SLC35A1: variants seen among roughly 807,000 people sequenced by gnomAD.
SLC35A1 encodes the protein CMP-sialic acid transporter.
SLC35A1 carries 21 observed loss-of-function variants against 40.3 expected under a neutral mutation model. That is an observed-to-expected ratio of 0.52 (90% CI 0.37 to 0.75). SLC35A1 has a LOEUF of 0.75. Among genes scored for constraint, SLC35A1 ranks in the 30% least tolerant of loss-of-function variants. SLC35A1 has a pLI of 0.00. For missense variants in SLC35A1, 297 were observed against 382.1 expected, an observed-to-expected ratio of 0.78 and a Z score of 1.86; for synonymous variants, 146 against 147.3, an observed-to-expected ratio of 0.99 and a Z score of 0.06.
chr6:87,502,301 A>T (rs1322666794), intron 4 of SLC35A1, among the ~76,000 whole-genome samples: 1 of 152,212 alleles, frequency 6.6e-6, no homozygotes, highest in African/African-American at 2.4e-5. Context: ...TCTAAGTAAT[A>T]CGAGGCACAG....
chr6:87,511,636 T>C lies in SLC35A1; in HGVS notation c.*110T>C. 8.4e-7 allele frequency: 1 copy of C among 1,185,084 alleles called. No individual in the cohort carries two copies. Among genetic ancestry groups the C allele is most frequent in the South Asian group, 1.2e-5 (1 of 81,648 alleles). The allele number at this position is 1,185,084 out of a possible 1,614,324, so 73.4% of individuals were successfully genotyped here. A position where few individuals can be genotyped will look rare whatever the true frequency, so the allele number is the denominator to read the frequency against. ...ACAAATAAAAATTAACTGTATGGCATGATCAGTGCGGTTATGTGGAAACAA... is the reference window on the plus strand; with the variant it reads ...ACAAATAAAAATTAACTGTATGGCACGATCAGTGCGGTTATGTGGAAACAA... On this transcript the variant is annotated 3_prime_UTR_variant, in exon 8 of 8. Coordinates refer to ENST00000369552, the MANE Select transcript of SLC35A1 (RefSeq NM_006416.5).
At chr6:87,490,829 T>C (rs1481850204) in intron 2 of SLC35A1, among the ~76,000 whole-genome samples, 1 of 152,242 alleles carries the variant, frequency 6.6e-6, no homozygotes, top group Admixed American at 6.5e-5. Context: ...CATGAGTAGA[T>C]GTCTTCTTTA....
Position 87,508,542 on chromosome 6 carries a change from A to G in SLC35A1, c.697A>G (p.Ile233Val), listed in dbSNP as rs1420003515. Residue 233 changes from isoleucine (I) to valine (V), a missense_variant, in exon 6 of 8, where the codon ATT (isoleucine) becomes GTT (valine). By Grantham distance (29) the Ile-to-Val change is conservative. Coordinates refer to ENST00000369552, the MANE Select transcript of SLC35A1 (RefSeq NM_006416.5). ...CGTCTACTTGTCAGATGGAGCTGAA[A>G]TTAAAGAAAAAGGATTTTTCTATGG... Reference protein sequence around the residue: ...AGVYLSDGAEIKEKGFFYGYT... With the variant: ...AGVYLSDGAEVKEKGFFYGYT... The G allele has an allele frequency of 1.2e-6, 2 of 1,613,368 alleles. No individual in the cohort carries two copies. Among genetic ancestry groups the G allele is most frequent in the Non-Finnish European group, 1.7e-6 (2 of 1,179,654 alleles).
chr6:87,488,218 A>AT (rs1769443407), intron 2 of SLC35A1: 1 of 152,156 alleles, frequency 6.6e-6, no homozygotes, highest in South Asian at 2.1e-4. Context: ...GGGAGTTCTT[A>AT]TCACATAAAA....
At chr6:87,495,720 A>T (rs1769706576) in intron 2 of SLC35A1, among the ~76,000 whole-genome samples, 1 of 150,018 alleles carries the variant, frequency 6.7e-6, no homozygotes, top group South Asian at 2.1e-4. Flanking sequence ...CAGTGGTGCG[A>T]TCTTGGCTCA....
chr6:87,501,563 CT>C (rs1769924754), intron 4 of SLC35A1, among the ~76,000 whole-genome samples: 1 of 152,190 alleles, frequency 6.6e-6, no homozygotes, highest in South Asian at 2.1e-4. Flanking sequence ...GTTCCATCCC[CT>C]CCATTTTATG....
chr6:87,494,847 A>G (rs1402731295), intron 2 of SLC35A1, among the ~76,000 whole-genome samples: 1 of 152,248 alleles, frequency 6.6e-6, no homozygotes, highest in Non-Finnish European at 1.5e-5. Flanking sequence ...GAAAATTGTT[A>G]TAATGCTTTA....
chr6:87,480,401 C>T (rs1769211588), intron 2 of SLC35A1, among the ~76,000 whole-genome samples: 1 of 152,230 alleles, frequency 6.6e-6, no homozygotes, highest in Non-Finnish European at 1.5e-5. Flanking sequence ...GCCTACCGTG[C>T]ACACAAGTGT....
chr6:87,485,874 T>C (rs1454346049), intron 2 of SLC35A1, among the ~76,000 whole-genome samples: 1 of 152,182 alleles, frequency 6.6e-6, no homozygotes, highest in Non-Finnish European at 1.5e-5. Context: ...TAACATTTGC[T>C]CAATGTTGAT....
chr6:87,498,875 A>G (rs963333244), intron 2 of SLC35A1, among the ~76,000 whole-genome samples: 3 of 152,262 alleles, frequency 2.0e-5, no homozygotes, highest in Non-Finnish European at 4.4e-5. Flanking sequence ...TAAAGAGCCA[A>G]TCTTCAGAAG....
chr6:87,507,132 T>C (rs754189161), intron 5 of SLC35A1: 1 of 152,342 alleles, frequency 6.6e-6, no homozygotes, highest in Non-Finnish European at 1.5e-5. Context: ...TTTTAATATA[T>C]TCTGCTTAAA....
chr6:87,473,991 T>A (rs1005949468), intron 1 of SLC35A1, among the ~76,000 whole-genome samples: 1 of 152,288 alleles, frequency 6.6e-6, no homozygotes, highest in Non-Finnish European at 1.5e-5. Flanking sequence ...TGTCTTTAGT[T>A]GCATATGCTT....
chr6:87,505,937 A>G (rs1202418453), intron 4 of SLC35A1, among the ~76,000 whole-genome samples: 1 of 152,234 alleles, frequency 6.6e-6, no homozygotes, highest in African/African-American at 2.4e-5. Context: ...AAAATTCAAT[A>G]AATTGGGGAG....
chr6:87,495,149 G>C (rs1286498937), intron 2 of SLC35A1, among the ~76,000 whole-genome samples: 2 of 152,038 alleles, frequency 1.3e-5, no homozygotes, highest in Non-Finnish European at 2.9e-5. Flanking sequence ...TTGTAGACAT[G>C]GGGTTTCGCC....
Position 87,509,084 on chromosome 6 carries a change from G to GTACACAGAC in SLC35A1, c.796_804dup (p.Tyr266_Asp268dup). ...GCCTCTACACTTCTGTTGTGGTTAA[G>GTACACAGAC]TACACAGACAACATCATGAAAGGCT... On this transcript the variant is annotated inframe_insertion, in exon 7 of 8. Transcript: ENST00000369552. 6.2e-7 allele frequency: 1 copy of GTACACAGAC among 1,614,050 alleles called. No homozygotes were observed. Among genetic ancestry groups the GTACACAGAC allele is most frequent in the Non-Finnish European group, 8.5e-7 (1 of 1,179,922 alleles).
chr6:87,489,380 G>A (rs1202010351), intron 2 of SLC35A1, among the ~76,000 whole-genome samples: 5 of 151,938 alleles, frequency 3.3e-5, no homozygotes, highest in Non-Finnish European at 7.4e-5. Context: ...ATTATTTCTC[G>A]GGAGTGGGTT....
chr6:87,504,449 GAT>G (rs1770018731), intron 4 of SLC35A1, among the ~76,000 whole-genome samples: 1 of 152,156 alleles, frequency 6.6e-6, no homozygotes, highest in South Asian at 2.1e-4. Context: ...CCCTTATTTA[GAT>G]ATGTTGATTT....
At position 87,472,996 on chromosome 6, in the gene SLC35A1, G is replaced by T. The variant is rs1261449235; in HGVS notation, c.-8G>T. 5.9e-6 allele frequency: 4 copies of T among 679,114 alleles called. No individual in the cohort carries two copies. In the South Asian group the frequency reaches 8.0e-5, roughly 14 times the overall value. 42.1% of individuals were successfully genotyped at this position (679,114 alleles called of 1,614,324 possible). ...GGCGTCAGTTCCGCGGGGGGCTGTCGGGGAACCATGGCTGCCCCGAGAGGT... is the reference window on the plus strand; with the variant it reads ...GGCGTCAGTTCCGCGGGGGGCTGTCTGGGAACCATGGCTGCCCCGAGAGGT... On this transcript the variant is annotated 5_prime_UTR_variant, in exon 1 of 8. Transcript: ENST00000369552.
At chr6:87,495,151 G>A (rs34653904) in intron 2 of SLC35A1, among the ~76,000 whole-genome samples, 3,167 of 152,188 alleles carry the variant, frequency 0.021, 46 homozygotes, top group Middle Eastern at 0.034. Context: ...GTAGACATGG[G>A]GTTTCGCCAT....
Sources: allele counts gnomAD v4.1 joint callset (sites outside exome capture counted in the v4.1 genomes callset), GRCh38; gene constraint gnomAD v4.1.1; transcripts MANE v1.5; gene names NCBI Gene and HGNC (gene_info 2026-07-23, HGNC 2026-07-21).